Variants in CORIN observed in about 807,000 individuals in gnomAD.
CORIN encodes the protein corin, serine peptidase, also known as atrial natriuretic peptide-converting enzyme.
CORIN carries 117 observed loss-of-function variants against 125.3 expected under a neutral mutation model. The ratio of observed to expected loss-of-function variants is 0.93; its 90% CI spans 0.80 to 1.09. The LOEUF (loss-of-function observed/expected upper bound fraction) is 1.09. Ranked by LOEUF, CORIN falls within the 50% of genes least tolerant of loss-of-function variation. The pLI is 0.00. For missense variants in CORIN, 1,253 were observed against 1,306.7 expected, an observed-to-expected ratio of 0.96 and a Z score of 0.63; for synonymous variants, 450 against 466.4, an observed-to-expected ratio of 0.96 and a Z score of 0.45.
At chr4:47,608,883 A>G (rs1721761433) in intron 19 of CORIN, among the ~76,000 whole-genome samples, 1 of 152,196 alleles carries the variant, frequency 6.6e-6, no homozygotes, top group African/African-American at 2.4e-5. Context: ...TTAGACATGA[A>G]ATTTTTCACT....
chr4:47,657,944 A>T (rs1409301243), intron 12 of CORIN, among the ~76,000 whole-genome samples: 1 of 152,140 alleles, frequency 6.6e-6, no homozygotes, highest in Non-Finnish European at 1.5e-5. Flanking sequence ...CCCAAATCTC[A>T]TGTCTTTCTC....
intron 4 of CORIN, among the ~76,000 whole-genome samples, chr4:47,761,605 G>A (rs958919250): frequency 9.2e-5 from 14 of 152,214 alleles, no homozygotes; most frequent in South Asian, 4.1e-4. Context: ...GTTAAGTGGC[G>A]TAAGTCAGGC....
intron 13 of CORIN, among the ~76,000 whole-genome samples, chr4:47,649,237 G>C (rs1442746701): frequency 6.6e-6 from 1 of 152,178 alleles, no homozygotes; most frequent in Non-Finnish European, 1.5e-5. Flanking sequence ...ACTTTAAACT[G>C]CATGGCTCTA....
intron 13 of CORIN, among the ~76,000 whole-genome samples, chr4:47,648,651 G>C (rs1054928036): frequency 1.3e-5 from 2 of 152,160 alleles, no homozygotes; most frequent in African/African-American, 2.4e-5. Context: ...TGTTCTGTAA[G>C]AATCTCTTAG....
chr4:47,735,619 A>G (rs181105764), intron 5 of CORIN, among the ~76,000 whole-genome samples: 2 of 152,270 alleles, frequency 1.3e-5, no homozygotes, highest in Non-Finnish European at 2.9e-5. Context: ...TTAGTTTGTT[A>G]TTAAAAAATA....
chr4:47,717,905 T>C (rs1337669211), intron 5 of CORIN, among the ~76,000 whole-genome samples: 1 of 151,682 alleles, frequency 6.6e-6, no homozygotes, highest in Non-Finnish European at 1.5e-5. Context: ...AGATACAAGA[T>C]GAACAAAGAC....
At chr4:47,762,119 T>C (rs1228289722) in intron 4 of CORIN, among the ~76,000 whole-genome samples, 6 of 152,154 alleles carry the variant, frequency 3.9e-5, no homozygotes, top group Non-Finnish European at 7.3e-5. Context: ...TGTATATTTG[T>C]ATGTATATGT....
intron 2 of CORIN, among the ~76,000 whole-genome samples, chr4:47,805,148 A>AAAAAAAAT: frequency 7.7e-6 from 1 of 129,160 alleles, no homozygotes; most frequent in South Asian, 2.6e-4. Flanking sequence ...AAAAAAAAAA[A>AAAAAAAAT]AATAATAATA....
chr4:47,708,245 G>A (rs1456049604), intron 5 of CORIN, among the ~76,000 whole-genome samples: 1 of 152,146 alleles, frequency 6.6e-6, no homozygotes, highest in Non-Finnish European at 1.5e-5. Context: ...GGTCTCACTG[G>A]GATAAAATCA....
intron 5 of CORIN, among the ~76,000 whole-genome samples, chr4:47,729,561 T>A (rs1419176345): frequency 6.6e-6 from 1 of 151,960 alleles, no homozygotes; most frequent in African/African-American, 2.4e-5. Flanking sequence ...GGCCAGATAA[T>A]GTAGAGTGGG....
chr4:47,823,823 G>A (rs1304188755), intron 1 of CORIN, among the ~76,000 whole-genome samples: 2 of 152,202 alleles, frequency 1.3e-5, no homozygotes, highest in Non-Finnish European at 1.5e-5. Context: ...CAGACGCCGT[G>A]CTCATTCTGC....
intron 21 of CORIN, among the ~76,000 whole-genome samples, chr4:47,598,607 A>C (rs1228198897): frequency 6.6e-6 from 1 of 152,206 alleles, no homozygotes; most frequent in Non-Finnish European, 1.5e-5. Context: ...GTAAACCTCC[A>C]AATGACATTG....
intron 3 of CORIN, among the ~76,000 whole-genome samples, chr4:47,774,256 G>A (rs1393642622): frequency 6.6e-6 from 1 of 152,180 alleles, no homozygotes; most frequent in Non-Finnish European, 1.5e-5. Flanking sequence ...GCATGGCCAG[G>A]GCTGCATGCT....
chr4:47,771,002 G>A (rs1730001901), intron 3 of CORIN, among the ~76,000 whole-genome samples: 1 of 152,050 alleles, frequency 6.6e-6, no homozygotes, highest in African/African-American at 2.4e-5. Flanking sequence ...TGTACACTTT[G>A]AAAATTGCTA....
At chr4:47,606,543 C>T (rs1721649985) in intron 19 of CORIN, among the ~76,000 whole-genome samples, 2 of 152,146 alleles carry the variant, frequency 1.3e-5, no homozygotes, top group South Asian at 4.1e-4. Context: ...TGCAGGCCAC[C>T]AAGCCCAGCC....
intron 1 of CORIN, among the ~76,000 whole-genome samples, chr4:47,819,678 C>A (rs1403065124): frequency 6.6e-6 from 1 of 152,154 alleles, no homozygotes; most frequent in South Asian, 2.1e-4. Context: ...AAGGGTTTCA[C>A]AAGATCCTGA....
chr4:47,613,270 T>C (rs1286579441), intron 19 of CORIN, among the ~76,000 whole-genome samples: 2 of 152,048 alleles, frequency 1.3e-5, no homozygotes, highest in Admixed American at 6.5e-5. Flanking sequence ...CTGGCCAACA[T>C]AGTGAAACCC....
intron 10 of CORIN, among the ~76,000 whole-genome samples, chr4:47,667,906 G>A (rs2109679992): frequency 6.6e-6 from 1 of 152,312 alleles, no homozygotes; most frequent in East Asian, 1.9e-4. Flanking sequence ...CCTCCAATGT[G>A]GTGGTATTAG....
chr4:47,762,398 ATAAT>A (rs1413372273), intron 4 of CORIN, among the ~76,000 whole-genome samples: 6 of 152,362 alleles, frequency 3.9e-5, no homozygotes, highest in Non-Finnish European at 5.9e-5. Context: ...AATTCAGAAA[ATAAT>A]TGATGTTATA....
Sources: allele counts gnomAD v4.1 joint callset (sites outside exome capture counted in the v4.1 genomes callset), GRCh38; gene constraint gnomAD v4.1.1; transcripts MANE v1.5; gene names NCBI Gene and HGNC (gene_info 2026-07-23, HGNC 2026-07-21).